The following PDX1 variants were observed in gnomAD, a reference collection of about 807,000 sequenced individuals.
PDX1 encodes the protein pancreas/duodenum homeobox protein 1.
In PDX1, 7 loss-of-function variants were observed where a neutral mutation model predicts 11.1. That is an observed-to-expected ratio of 0.63 (90% confidence interval 0.36 to 1.19). The LOEUF (loss-of-function observed/expected upper bound fraction) is 1.19, where lower values mean the gene tolerates loss of function less well. Among genes scored for constraint, PDX1 ranks in the 50% most tolerant of loss-of-function variants. The pLI is 0.02. For synonymous variants in PDX1, 232 were observed against 196.2 expected (o/e 1.18, Z -1.53); for missense variants, 449 against 412.1 (o/e 1.09, Z -0.78).
chr13:27,926,069 CA>C lies in PDX1; in HGVS notation c.*1369del. On this transcript the variant is annotated 3_prime_UTR_variant, in exon 2 of 2. Coordinates refer to ENST00000381033, the MANE Select transcript of PDX1 (RefSeq NM_000209.4). ...TATGTGATTGGAGGGTTTGGAAAAC[CA>C]GTTATCTTATTTAACATTTTAAAAA... The C allele has an allele frequency of 6.6e-6, 1 of 152,256 alleles. No homozygotes were observed. The highest frequency in any genetic ancestry group is 1.9e-4 in the East Asian group (1 of 5,184). The allele number at this position is 152,256 out of a possible 1,614,324, so 9.4% of individuals were successfully genotyped here.
At chr13:27,921,595 G>A (rs1282795805) in intron 1 of PDX1, among the ~76,000 whole-genome samples, 1 of 152,216 alleles carries the variant, frequency 6.6e-6, no homozygotes, top group Admixed American at 6.5e-5. Context: ...GCTCGAGCCG[G>A]CGTCCCCCGG....
In PDX1 at chr13:27,920,029, AG is replaced by A. The variant is rs146021107; in HGVS notation, c.-106del. 306,414 of 1,345,708 alleles carry A rather than the reference AG, an allele frequency of 0.23. 37,586 individuals are homozygous for A. The highest frequency in any genetic ancestry group is 0.47 in the East Asian group (18,634 of 39,828). The allele number at this position is 1,345,708 out of a possible 1,614,324, so 83.4% of individuals were successfully genotyped here. A position where few individuals can be genotyped will look rare whatever the true frequency, so the allele number is the denominator to read the frequency against. ...TCAGTGCGGAGCTGTCAAAGCGAGC[AG>A]GGGTGGCGCCGGGAGTGGGAACGCC... On this transcript the variant is annotated 5_prime_UTR_variant, in exon 1 of 2. Transcript: ENST00000381033.
At chr13:27,920,869 A>G (rs1246184204) in intron 1 of PDX1, among the ~76,000 whole-genome samples, 1 of 152,212 alleles carries the variant, frequency 6.6e-6, no homozygotes, top group Non-Finnish European at 1.5e-5. Context: ...CGGACACTAC[A>G]GATCCTCCTC....
chr13:27,922,594 T>G lies in PDX1; in HGVS notation c.407-1662T>G, dbSNP rs146888910. ...CTGTCCAGCTGGCACCTAAACTGCA[T>G]CACTCTGCGCCTTGGGGAAGGGCCC... On this transcript the variant is annotated intron_variant, in intron 1 of 1. Transcript: ENST00000381033. 5.2e-3 allele frequency among the ~76,000 whole-genome samples: 799 copies of G among 152,286 alleles called. 7 individuals are homozygous for G. The highest frequency in any genetic ancestry group is 0.018 in the African/African-American group (762 of 41,570).
intron 1 of PDX1, among the ~76,000 whole-genome samples, chr13:27,923,779 C>T (rs555842238): frequency 1.3e-5 from 2 of 152,272 alleles, no homozygotes; most frequent in African/African-American, 4.8e-5. Flanking sequence ...TATAACTGAC[C>T]TGCAGTGTCC....
In PDX1 at chr13:27,920,353, C is replaced by G. The variant is rs572689574; in HGVS notation, c.215C>G (p.Pro72Arg). 7 of 1,539,242 alleles carry G rather than the reference C, an allele frequency of 4.5e-6. No homozygotes were observed. The highest frequency in any genetic ancestry group is 2.5e-5 in the East Asian group (1 of 40,794). ...PPDISPYEVP[P>R]LADDPAVAHL... ...GACATCTCCCCGTACGAGGTGCCCC[C>G]CCTCGCCGACGACCCCGCGGTGGCG... Residue 72 changes from proline to arginine, a missense_variant, in exon 1 of 2, where the codon CCC (proline) becomes CGC (arginine). By Grantham distance (103) the Pro-to-Arg change is moderately radical. Coordinates refer to ENST00000381033, the MANE Select transcript of PDX1 (RefSeq NM_000209.4).
At chr13:27,923,081 C>T (rs1260043954) in intron 1 of PDX1, among the ~76,000 whole-genome samples, 1 of 152,242 alleles carries the variant, frequency 6.6e-6, no homozygotes, top group African/African-American at 2.4e-5. Context: ...CCAACATTCA[C>T]AGGAGAAATG....
intron 1 of PDX1, among the ~76,000 whole-genome samples, chr13:27,922,927 A>G (rs890674271): frequency 6.6e-6 from 1 of 151,786 alleles, no homozygotes; most frequent in African/African-American, 2.4e-5. Flanking sequence ...AGGGAGTAGA[A>G]CTCTCCCTGG....
At chr13:27,921,479 C>T (rs1957787028) in intron 1 of PDX1, among the ~76,000 whole-genome samples, 1 of 152,252 alleles carries the variant, frequency 6.6e-6, no homozygotes, top group South Asian at 2.1e-4. Context: ...GTGTCGTCGC[C>T]GCTACTCACT....
Position 27,920,266 on chromosome 13 carries a change from C to A in PDX1, c.128C>A (p.Pro43Gln). The A allele has an allele frequency of 6.6e-7, 1 of 1,515,438 alleles. No homozygotes were observed. Among genetic ancestry groups the A allele is most frequent in the Non-Finnish European group, 8.9e-7 (1 of 1,126,860 alleles). 93.9% of individuals were successfully genotyped at this position (1,515,438 alleles called of 1,614,324 possible). The change falls in exon 1 of 2, where the codon CCG becomes CAG. Residue 43 changes from proline (P) to glutamine (Q), a missense_variant. Coordinates refer to ENST00000381033, the MANE Select transcript of PDX1 (RefSeq NM_000209.4). The part of the protein sequence containing the change: ...PACLYMGRQP[P>Q]PPPPHPFPGA... ...TGCCTGTACATGGGCCGCCAGCCCC[C>A]GCCGCCGCCGCCGCACCCGTTCCCT...
rs1035451822 is a variant in PDX1 at position 27,922,603 on chromosome 13, G to A, written c.407-1653G>A. Among the ~76,000 whole-genome samples the A allele has an allele frequency of 2.6e-5, 4 of 152,176 alleles. No individual in the cohort carries two copies. In the East Asian group the frequency reaches 7.7e-4, roughly 29 times the overall value. ...TGGCACCTAAACTGCATCACTCTGC[G>A]CCTTGGGGAAGGGCCCAGGCTTGGC... On this transcript the variant is annotated intron_variant, in intron 1 of 1. Transcript: ENST00000381033.
intron 1 of PDX1, among the ~76,000 whole-genome samples, chr13:27,920,923 C>A (rs1459398901): frequency 6.6e-6 from 1 of 152,206 alleles, no homozygotes; most frequent in Non-Finnish European, 1.5e-5. Context: ...TAGTGCACAT[C>A]GAGGAAGCCG....
rs776610329 is a variant in PDX1 at position 27,924,499 on chromosome 13, GT to G, written c.651del (p.Gly218AlafsTer12). On this transcript the variant is annotated frameshift_variant, in exon 2 of 2. Transcript: ENST00000381033. LOFTEE classifies it low-confidence loss of function (END_TRUNC). This position sits in a 1 kb window ranked among gnomAD's most constrained non-coding sequence, Gnocchi z 4.8. ...KKRGGGTAVG[G>X]GGVAEPEQDC... ...CGCGGCGGCGGGACAGCTGTCGGGG[GT>G]GGCGGGGTCGCGGAGCCTGAGCAGG... 3.1e-6 allele frequency: 5 copies of G among 1,612,010 alleles called. No homozygotes were observed. The highest frequency in any genetic ancestry group is 4.2e-6 in the Non-Finnish European group (5 of 1,179,650).
chr13:27,921,562 G>A (rs762045273), intron 1 of PDX1, among the ~76,000 whole-genome samples: 5 of 152,232 alleles, frequency 3.3e-5, no homozygotes, highest in Non-Finnish European at 7.3e-5. Flanking sequence ...CTTTCAACTG[G>A]CAGCCGGGAG....
chr13:27,924,513 G>T lies in PDX1; in HGVS notation c.664G>T (p.Glu222Ter). Residue 222 changes from glutamate (E) to a stop codon, truncating the protein, a stop_gained, in exon 2 of 2, where the codon GAG becomes TAG. Transcript: ENST00000381033. LOFTEE classifies it low-confidence loss of function (END_TRUNC). This position sits in a 1 kb window ranked among gnomAD's most constrained non-coding sequence, Gnocchi z 4.8. ...AGCTGTCGGGGGTGGCGGGGTCGCGGAGCCTGAGCAGGACTGCGCCGTGAC... is the reference window on the plus strand; with the variant it reads ...AGCTGTCGGGGGTGGCGGGGTCGCGTAGCCTGAGCAGGACTGCGCCGTGAC... Reference protein sequence around the residue: ...GTAVGGGGVAEPEQDCAVTSG... With the variant: ...GTAVGGGGVA 6.2e-7 allele frequency: 1 copy of T among 1,609,830 alleles called. No homozygotes were observed. Among genetic ancestry groups the T allele is most frequent in the Non-Finnish European group, 8.5e-7 (1 of 1,178,840 alleles).
Position 27,920,256 on chromosome 13 carries a change from C to G in PDX1, c.118C>G (p.Arg40Gly), listed in dbSNP as rs1268592060. 1 of 1,542,622 alleles carries G rather than the reference C, an allele frequency of 6.5e-7. No homozygotes were observed. Among genetic ancestry groups the G allele is most frequent in the Non-Finnish European group, 8.7e-7 (1 of 1,143,854 alleles). ...ASPPACLYMG[R>G]QPPPPPPHPF... ...CCCCCCTGCGTGCCTGTACATGGGC[C>G]GCCAGCCCCCGCCGCCGCCGCCGCA... The change falls in exon 1 of 2, where the codon CGC (arginine) becomes GGC (glycine). Residue 40 changes from arginine (R) to glycine (G), a missense_variant. Arg to Gly is a moderately radical substitution (Grantham distance 125). Around this residue, in one of 3 missense-constraint regions of PDX1, gnomAD observed 263 missense variants for 212.5 expected, o/e 1.24. Transcript: ENST00000381033.
rs1324292313 is a variant in PDX1, at chr13:27,924,271, C to A, written c.422C>A (p.Ala141Glu). The A allele has an allele frequency of 1.9e-6, 3 of 1,604,052 alleles. No homozygotes were observed. Among genetic ancestry groups the A allele is most frequent in the East Asian group, 2.2e-5 (1 of 44,656 alleles). The change falls in exon 2 of 2, where the codon GCG (alanine) becomes GAG (glutamate). Residue 141 changes from alanine to glutamate, a missense_variant. Physicochemically the swap from Ala to Glu is moderately radical, Grantham distance 107 (BLOSUM62 -1). Transcript: ENST00000381033. This position sits in a 1 kb window ranked among gnomAD's most constrained non-coding sequence, Gnocchi z 4.8. ...KGQWAGGAYA[A>E]EPEENKRTRT... ...TCGCCCGCAGGCGGCGCCTACGCTG[C>A]GGAGCCGGAGGAGAACAAGCGGACG...
Position 27,924,350 on chromosome 13 carries a change from C to T in PDX1, c.501C>T (p.Phe167=). ...QLLELEKEFL[F]NKYISRPRRV... is the part of the protein sequence containing the mutation. ...TAGAGCTGGAGAAGGAGTTCCTATT[C>T]AACAAGTACATCTCACGGCCGCGCC... Residue 167 remains phenylalanine (F), a synonymous_variant, in exon 2 of 2, where the codon TTC becomes TTT. Transcript: ENST00000381033. The surrounding 1 kb of genome is among the most constrained non-coding windows in gnomAD (Gnocchi z 4.8). 1 of 1,612,642 alleles carries T rather than the reference C, an allele frequency of 6.2e-7. No individual in the cohort carries two copies. The highest frequency in any genetic ancestry group is 8.5e-7 in the Non-Finnish European group (1 of 1,179,922).
intron 1 of PDX1, among the ~76,000 whole-genome samples, chr13:27,921,419 C>T (rs977342574): frequency 6.6e-6 from 1 of 152,236 alleles, no homozygotes; most frequent in Non-Finnish European, 1.5e-5. Flanking sequence ...CACGGGGTAG[C>T]CCCCGGGTCC....
Sources: gnomAD v4.1 joint callset for allele counts (sites outside exome capture counted in the v4.1 genomes callset) on GRCh38, gnomAD v4.1.1 for gene constraint, gnomAD v4.1.1 regional missense constraint, Gnocchi (gnomAD v3.1) non-coding constraint, MANE v1.5 for transcripts, NCBI Gene and HGNC (gene_info 2026-07-23, HGNC 2026-07-21) for gene names.